The following CBFB variants were observed in gnomAD, a reference collection of about 807,000 sequenced individuals.
CBFB encodes core-binding factor subunit beta, also known as CBF-beta.
CBFB carries 9 observed loss-of-function variants against 30.4 expected under a neutral mutation model. The observed-to-expected ratio is 0.30, with a 90% confidence interval of 0.18 to 0.52. The LOEUF is 0.52. Among genes scored for constraint, CBFB ranks in the 20% least tolerant of loss-of-function variants. The probability of loss-of-function intolerance (pLI) is 0.97; values close to 1 mark genes in which losing one functional copy is unlikely to be tolerated. For missense variants in CBFB, 170 were observed against 244.0 expected, an observed-to-expected ratio of 0.70 and a Z score of 2.02; for synonymous variants, 94 against 84.0, an observed-to-expected ratio of 1.12 and a Z score of -0.65.
At chr16:67,029,680 C>T (rs1331981372) in intron 1 of CBFB, 47 bp from the exon 2 acceptor site, 2 of 1,495,452 alleles carry the variant, frequency 1.3e-6, no homozygotes, top group African/African-American at 1.4e-5. Context: ...GGCGCGCGGG[C>T]GGCGCCGCGG....
Position 67,080,725 on chromosome 16 carries a change from T to C in CBFB, c.400-1488T>C, listed in dbSNP as rs569020876. Among the ~76,000 whole-genome samples, 6 of 152,348 alleles carry C rather than the reference T, an allele frequency of 3.9e-5. No homozygotes were observed. In the East Asian group the frequency reaches 1.2e-3, roughly 29 times the overall value. Reference sequence around the variant, plus strand: ...TTTCCAACATTTGTGTAGTCAGTGCTGTTCATCTTCATTTATATTTCTGGC... The same window carrying C: ...TTTCCAACATTTGTGTAGTCAGTGCCGTTCATCTTCATTTATATTTCTGGC... On this transcript the variant is annotated intron_variant, in intron 4 of 5. Coordinates refer to ENST00000412916, the MANE Select transcript of CBFB (RefSeq NM_022845.3).
At chr16:67,067,603 A>G (rs972981387) in intron 4 of CBFB, among the ~76,000 whole-genome samples, 39 of 152,318 alleles carry the variant, frequency 2.6e-4, no homozygotes, top group African/African-American at 8.7e-4. Flanking sequence ...AGTCTGTGTC[A>G]TTTTAGTCAG....
chr16:67,048,067 A>C (rs1355285450), intron 3 of CBFB, among the ~76,000 whole-genome samples: 1 of 151,826 alleles, frequency 6.6e-6, no homozygotes, highest in Non-Finnish European at 1.5e-5. Flanking sequence ...CATCTCAAAA[A>C]AAATAAAAAT....
At chr16:67,080,619 G>T (rs1369370429) in intron 4 of CBFB, among the ~76,000 whole-genome samples, 2 of 152,182 alleles carry the variant, frequency 1.3e-5, no homozygotes, top group Non-Finnish European at 2.9e-5. Flanking sequence ...ACTGGGAAAA[G>T]ACAGATTTGT....
intron 4 of CBFB, among the ~76,000 whole-genome samples, chr16:67,068,634 G>A (rs554771317): frequency 3.2e-4 from 48 of 152,272 alleles, no homozygotes; most frequent in African/African-American, 9.6e-4. Context: ...AGTTGCTACA[G>A]TATATTATCT....
intron 3 of CBFB, among the ~76,000 whole-genome samples, chr16:67,052,767 G>T (rs1225902923): frequency 6.6e-6 from 1 of 152,016 alleles, no homozygotes; most frequent in Non-Finnish European, 1.5e-5. Context: ...TTACAGACCA[G>T]CCCGGGCAAC....
intron 3 of CBFB, among the ~76,000 whole-genome samples, chr16:67,041,602 C>CA (rs894439635): frequency 4.6e-4 from 67 of 145,080 alleles, no homozygotes; most frequent in African/African-American, 9.6e-4. Flanking sequence ...AACTCCATCT[C>CA]AAAAAAAAAA....
intron 5 of CBFB, among the ~76,000 whole-genome samples, chr16:67,095,516 C>G (rs1236320051): frequency 6.6e-6 from 1 of 151,958 alleles, no homozygotes; most frequent in Non-Finnish European, 1.5e-5. Flanking sequence ...GCTTTTTGCT[C>G]AAACAACTGG....
At chr16:67,048,159 T>C (rs1966664569) in intron 3 of CBFB, among the ~76,000 whole-genome samples, 1 of 152,138 alleles carries the variant, frequency 6.6e-6, no homozygotes, top group Non-Finnish European at 1.5e-5. Flanking sequence ...GGAGAGTTGC[T>C]TGGGCCTGGG....
At chr16:67,056,910 G>A (rs1960744645) in intron 3 of CBFB, among the ~76,000 whole-genome samples, 1 of 152,060 alleles carries the variant, frequency 6.6e-6, no homozygotes, top group Non-Finnish European at 1.5e-5. Flanking sequence ...TTGATCTCTT[G>A]ACCTCGTGAT....
At position 67,082,266 on chromosome 16, in the gene CBFB, C is replaced by G; in HGVS notation, c.453C>G (p.Arg151=). ...QAFEEARRRT[R]EFEDRDRSHR... ...TTGAAGAGGCTCGGAGAAGGACACG[C>G]GAATTTGAAGATAGAGACAGGTCTC... is the stretch of plus-strand genomic sequence containing the variant. The change falls in exon 5 of 6, where the codon CGC becomes CGG. Residue 151 remains arginine (R), a synonymous_variant. Coordinates refer to ENST00000412916, the MANE Select transcript of CBFB (RefSeq NM_022845.3). The G allele has an allele frequency of 6.2e-7, 1 of 1,611,062 alleles. No homozygotes were observed. Among genetic ancestry groups the G allele is most frequent in the Non-Finnish European group, 8.5e-7 (1 of 1,177,924 alleles).
chr16:67,064,574 G>A (rs916615734), intron 3 of CBFB, among the ~76,000 whole-genome samples: 3 of 152,254 alleles, frequency 2.0e-5, no homozygotes, highest in East Asian at 1.9e-4. Context: ...TGTAGAAACT[G>A]TAATAAATTT....
intron 5 of CBFB, among the ~76,000 whole-genome samples, chr16:67,098,318 A>T (rs1174066368): frequency 1.3e-5 from 2 of 151,852 alleles, no homozygotes; most frequent in African/African-American, 4.8e-5. Context: ...TGTATTTTTC[A>T]TAGAGACAGG....
intron 1 of CBFB, 95 bp from the exon 2 acceptor site, chr16:67,029,632 C>T: frequency 6.0e-6 from 8 of 1,334,864 alleles, no homozygotes; most frequent in South Asian, 2.6e-5. Flanking sequence ...TCGCCCGCAG[C>T]CTCTGCTTGC....
chr16:67,060,697 A>T (rs1351149212), intron 3 of CBFB, among the ~76,000 whole-genome samples: 1 of 152,110 alleles, frequency 6.6e-6, no homozygotes, highest in African/African-American at 2.4e-5. Flanking sequence ...CTGGGGTTAC[A>T]GGCATGTGCC....
At chr16:67,079,049 C>A (rs776159778) in intron 4 of CBFB, among the ~76,000 whole-genome samples, 2 of 152,148 alleles carry the variant, frequency 1.3e-5, no homozygotes, top group Non-Finnish European at 2.9e-5. Flanking sequence ...CATTCTTTTG[C>A]GGCTACCTCT....
intron 3 of CBFB, among the ~76,000 whole-genome samples, chr16:67,059,136 G>A (rs1339291962): frequency 6.6e-6 from 1 of 152,120 alleles, no homozygotes; most frequent in Non-Finnish European, 1.5e-5. Context: ...GTATTGTAAA[G>A]GAAAAGACAG....
At chr16:67,039,349 G>A (rs1466039470) in intron 3 of CBFB, among the ~76,000 whole-genome samples, 2 of 152,194 alleles carry the variant, frequency 1.3e-5, no homozygotes, top group African/African-American at 2.4e-5. Context: ...CCTGTATAGG[G>A]CACTTACTTT....
At chr16:67,068,517 C>T (rs991664025) in intron 4 of CBFB, among the ~76,000 whole-genome samples, 1 of 152,098 alleles carries the variant, frequency 6.6e-6, no homozygotes. Context: ...GCAGTGACAT[C>T]AGAGGCTGTG....
Sources: gnomAD v4.1 joint callset for allele counts (sites outside exome capture counted in the v4.1 genomes callset) on GRCh38, gnomAD v4.1.1 for gene constraint, MANE v1.5 for transcripts, NCBI Gene and HGNC (gene_info 2026-07-23, HGNC 2026-07-21) for gene names.